Variants in NR3C2 observed in about 807,000 individuals in gnomAD.
NR3C2 encodes mineralocorticoid receptor.
Under a neutral mutation model 86.4 loss-of-function variants are expected in NR3C2, and 15 were observed. The ratio of observed to expected loss-of-function variants is 0.17; its 90% CI spans 0.12 to 0.27. NR3C2 has a LOEUF of 0.27. Ranked by LOEUF, NR3C2 falls within the 10% of genes least tolerant of loss-of-function variation. The pLI is 1.00. For missense variants in NR3C2, 960 were observed against 1,195.6 expected, an observed-to-expected ratio of 0.80 and a Z score of 2.91; for synonymous variants, 458 against 450.5, an observed-to-expected ratio of 1.02 and a Z score of -0.21.
At chr4:148,082,667 T>TTTTG (rs1482542992) in intron 8 of NR3C2, among the ~76,000 whole-genome samples, 1 of 142,208 alleles carries the variant, frequency 7.0e-6, no homozygotes, top group Non-Finnish European at 1.5e-5. Context: ...TAGCTGCAGT[T>TTTTG]TTTTTTTTTT....
chr4:148,117,764 T>G (rs2149731074), intron 7 of NR3C2, among the ~76,000 whole-genome samples: 1 of 152,320 alleles, frequency 6.6e-6, no homozygotes, highest in Admixed American at 6.5e-5. Flanking sequence ...ACAACAGCTC[T>G]TCATACGCAT....
intron 3 of NR3C2, among the ~76,000 whole-genome samples, chr4:148,241,093 G>C (rs112177305): frequency 0.15 from 23,067 of 151,810 alleles, 1,914 homozygotes; most frequent in Admixed American, 0.24. Context: ...ATCACCTGAG[G>C]TCAGGAGTTC....
In NR3C2 at chr4:148,122,583, T is replaced by G. The variant is rs566031003; in HGVS notation, c.2511-2295A>C. Among the ~76,000 whole-genome samples the G allele has an allele frequency of 3.0e-3, 463 of 152,338 alleles. 5 individuals are homozygous for G. Among genetic ancestry groups the G allele is most frequent in the African/African-American group, 0.011 (437 of 41,578 alleles). ...CTTACTTTCCTTCCTCTTTCCCTTC[T>G]TCCTCCTTCTCTTCCTTTCATTGGA... On this transcript the variant is annotated intron_variant, in intron 6 of 8. Coordinates refer to ENST00000358102, the MANE Select transcript of NR3C2 (RefSeq NM_000901.5).
intron 3 of NR3C2, among the ~76,000 whole-genome samples, chr4:148,229,682 TCTG>T (rs1324641008): frequency 1.3e-5 from 2 of 152,172 alleles, no homozygotes; most frequent in African/African-American, 4.8e-5. Context: ...AGTTCTAAGA[TCTG>T]CTAAAGTAAA....
intron 2 of NR3C2, among the ~76,000 whole-genome samples, chr4:148,365,153 T>C (rs2358393): frequency 0.21 from 31,410 of 152,006 alleles, 3,441 homozygotes; most frequent in Non-Finnish European, 0.24. Context: ...CAATAAAAAA[T>C]ATGAGACACA....
At chr4:148,363,681 T>G (rs1188951530) in intron 2 of NR3C2, among the ~76,000 whole-genome samples, 1 of 151,942 alleles carries the variant, frequency 6.6e-6, no homozygotes, top group African/African-American at 2.4e-5. Context: ...TGTTTTGTAT[T>G]TTTAGTAGAG....
intron 2 of NR3C2, among the ~76,000 whole-genome samples, chr4:148,274,798 C>T (rs748769618): frequency 3.3e-5 from 5 of 150,392 alleles, no homozygotes; most frequent in African/African-American, 4.9e-5. Context: ...CCTGGGTTCA[C>T]GTGATTCTCC....
At chr4:148,242,654 T>G (rs1739115538) in intron 3 of NR3C2, among the ~76,000 whole-genome samples, 1 of 152,214 alleles carries the variant, frequency 6.6e-6, no homozygotes, top group Admixed American at 6.5e-5. Context: ...TCTTTTTCTC[T>G]AAAATTTTAC....
intron 2 of NR3C2, among the ~76,000 whole-genome samples, chr4:148,305,985 T>G (rs1280466112): frequency 6.6e-6 from 1 of 152,206 alleles, no homozygotes; most frequent in East Asian, 1.9e-4. Context: ...GACAGACTCA[T>G]GGGGAGGACA....
At chr4:148,135,353 T>G (rs2149747054) in intron 6 of NR3C2, among the ~76,000 whole-genome samples, 1 of 152,042 alleles carries the variant, frequency 6.6e-6, no homozygotes, top group East Asian at 1.9e-4. Flanking sequence ...GGGGGGTGAG[T>G]TTGGCCCTTC....
intron 6 of NR3C2, among the ~76,000 whole-genome samples, chr4:148,145,776 C>T (rs905997837): frequency 6.6e-6 from 1 of 152,038 alleles, no homozygotes; most frequent in African/African-American, 2.4e-5. Flanking sequence ...AAAAATAAGG[C>T]ACGGAAGGAA....
intron 1 of NR3C2, among the ~76,000 whole-genome samples, chr4:148,437,119 A>G (rs1184665097): frequency 2.6e-5 from 4 of 152,230 alleles, no homozygotes; most frequent in African/African-American, 9.6e-5. Context: ...TGTTTGCTAT[A>G]ATACAGTCTT....
At chr4:148,130,337 T>C (rs1732960525) in intron 6 of NR3C2, among the ~76,000 whole-genome samples, 1 of 152,226 alleles carries the variant, frequency 6.6e-6, no homozygotes, top group African/African-American at 2.4e-5. Flanking sequence ...CTTCCACCTA[T>C]GGGAACCTAT....
intron 2 of NR3C2, among the ~76,000 whole-genome samples, chr4:148,424,163 A>G (rs1478509206): frequency 6.6e-6 from 1 of 152,260 alleles, no homozygotes; most frequent in Non-Finnish European, 1.5e-5. Flanking sequence ...AAAGGGAGGC[A>G]TATGAATGGC....
chr4:148,324,188 T>TTA (rs1743819774), intron 2 of NR3C2, among the ~76,000 whole-genome samples: 1 of 152,228 alleles, frequency 6.6e-6, no homozygotes, highest in Non-Finnish European at 1.5e-5. Flanking sequence ...TACTACGTCT[T>TTA]TAGATTCCAT....
At chr4:148,403,556 G>A (rs570268376) in intron 2 of NR3C2, among the ~76,000 whole-genome samples, 1 of 152,102 alleles carries the variant, frequency 6.6e-6, no homozygotes, top group South Asian at 2.1e-4. Flanking sequence ...TTTTATTTCT[G>A]AATATTTTTT....
intron 2 of NR3C2, among the ~76,000 whole-genome samples, chr4:148,405,406 C>A (rs566547979): frequency 1.3e-5 from 2 of 152,312 alleles, no homozygotes; most frequent in South Asian, 4.1e-4. Context: ...GCATACCTGT[C>A]CACCACCAGG....
At chr4:148,392,287 C>T (rs61756925) in intron 2 of NR3C2, among the ~76,000 whole-genome samples, 6,360 of 152,244 alleles carry the variant, frequency 0.042, 404 homozygotes, top group African/African-American at 0.14. Flanking sequence ...ATTATCATTT[C>T]GGGTGTTCTA....
chr4:148,100,013 C>T (rs1731463741), intron 8 of NR3C2, among the ~76,000 whole-genome samples: 1 of 152,168 alleles, frequency 6.6e-6, no homozygotes, highest in Non-Finnish European at 1.5e-5. Flanking sequence ...AGTGTTCTTA[C>T]AGAAAATTAC....
Sources: gnomAD v4.1 joint callset for allele counts (sites outside exome capture counted in the v4.1 genomes callset) on GRCh38, gnomAD v4.1.1 for gene constraint, MANE v1.5 for transcripts, NCBI Gene and HGNC (gene_info 2026-07-23, HGNC 2026-07-21) for gene names.